DISC1: variants seen among roughly 807,000 people sequenced by gnomAD.
DISC1 encodes the protein disrupted in schizophrenia 1 protein.
In DISC1, 57 loss-of-function variants were observed where a neutral mutation model predicts 84.5. The ratio of observed to expected loss-of-function variants is 0.67; its 90% CI spans 0.55 to 0.84. The LOEUF (loss-of-function observed/expected upper bound fraction) is 0.84. Among genes scored for constraint, DISC1 ranks in the 40% least tolerant of loss-of-function variants. The pLI, the probability that DISC1 is intolerant of heterozygous loss-of-function variation, is 0.00. For missense variants in DISC1, 1,000 were observed against 1,057.8 expected (o/e 0.95, Z 0.76); for synonymous variants, 411 against 415.2 (o/e 0.99, Z 0.12).
chr1:232,017,477 G>A (rs1572647718), intron 11 of DISC1, among the ~76,000 whole-genome samples: 1 of 127,698 alleles, frequency 7.8e-6, no homozygotes, highest in Non-Finnish European at 1.6e-5. Flanking sequence ...GGGAACACCT[G>A]TCCTTTTTTT....
At chr1:231,809,524 G>GAAAAA (rs10692560) in intron 8 of DISC1, among the ~76,000 whole-genome samples, 42 of 123,794 alleles carry the variant, frequency 3.4e-4, no homozygotes, top group African/African-American at 1.2e-3. Flanking sequence ...TTTTTTTTTT[G>GAAAAA]AAAAAAAAAA....
chr1:231,951,940 T>C (rs1658448925), intron 9 of DISC1, among the ~76,000 whole-genome samples: 2 of 151,252 alleles, frequency 1.3e-5, no homozygotes, highest in African/African-American at 4.8e-5. Flanking sequence ...GCACAGTGGC[T>C]CACACCTGAC....
chr1:231,885,330 A>G (rs1482995035), intron 9 of DISC1, among the ~76,000 whole-genome samples: 4 of 152,180 alleles, frequency 2.6e-5, no homozygotes, highest in Non-Finnish European at 4.4e-5. Flanking sequence ...ACCCTCTGTT[A>G]TTATGACAGG....
rs901248781 is a variant in DISC1, at chr1:231,711,362, T to C, written c.1117+9338T>C. On this transcript the variant is annotated intron_variant, in intron 3 of 12. Coordinates refer to ENST00000439617, the MANE Select transcript of DISC1 (RefSeq NM_018662.3). ...TTTTGTATGAGGACATATTTCTTTTTTTTTTTTTTTTTTTTTGAGACAGAG... is the reference window on the plus strand; with the variant it reads ...TTTTGTATGAGGACATATTTCTTTTCTTTTTTTTTTTTTTTTGAGACAGAG... Among the ~76,000 whole-genome samples the C allele has an allele frequency of 2.2e-3, 324 of 146,916 alleles. 3 individuals carry two copies. Among genetic ancestry groups the C allele is most frequent in the Non-Finnish European group, 2.9e-3 (193 of 66,582 alleles).
At chr1:231,733,007 A>G (rs978473577) in intron 3 of DISC1, among the ~76,000 whole-genome samples, 1 of 122,170 alleles carries the variant, frequency 8.2e-6, no homozygotes, top group Non-Finnish European at 1.8e-5. Context: ...TGGTTGTAGC[A>G]GTGTTGTTGG....
intron 10 of DISC1, among the ~76,000 whole-genome samples, chr1:231,991,721 G>T (rs1005686911): frequency 6.6e-6 from 1 of 152,240 alleles, no homozygotes; most frequent in East Asian, 1.9e-4. Flanking sequence ...GGTGTGTGTG[G>T]TTTATTTGAA....
chr1:231,879,355 T>C (rs150345810), intron 9 of DISC1, among the ~76,000 whole-genome samples: 214 of 152,152 alleles, frequency 1.4e-3, no homozygotes, highest in African/African-American at 4.9e-3. Context: ...GGTATACATA[T>C]GTTCAGCACT....
At chr1:231,694,947 A>G in intron 2 of DISC1, 142 bp downstream of exon 2, 5 of 1,210,896 alleles carry the variant, frequency 4.1e-6, no homozygotes, top group South Asian at 2.6e-5. Flanking sequence ...CCGGCTGCAC[A>G]GGATGTTGCT....
At chr1:231,709,045 CAA>C (rs1397014186) in intron 3 of DISC1, among the ~76,000 whole-genome samples, 2 of 152,090 alleles carry the variant, frequency 1.3e-5, no homozygotes, top group African/African-American at 4.8e-5. Context: ...TACATTAAGA[CAA>C]AAATACCATA....
intron 6 of DISC1, among the ~76,000 whole-genome samples, chr1:231,793,601 G>A (rs938926469): frequency 6.6e-6 from 1 of 152,136 alleles, no homozygotes; most frequent in Non-Finnish European, 1.5e-5. Flanking sequence ...CTGCTGAAGA[G>A]GCCTGTCTGG....
At chr1:231,633,940 G>A (rs954509730) in intron 1 of DISC1, among the ~76,000 whole-genome samples, 2 of 147,146 alleles carry the variant, frequency 1.4e-5, no homozygotes, top group Admixed American at 7.0e-5. Flanking sequence ...CTGGAGTGCA[G>A]TGGCGCAGTC....
rs996606591 is a variant in DISC1 at position 231,723,288 on chromosome 1, C to T, written c.1117+21264C>T. On this transcript the variant is annotated intron_variant, in intron 3 of 12. Coordinates refer to ENST00000439617, the MANE Select transcript of DISC1 (RefSeq NM_018662.3). Reference sequence around the variant, plus strand: ...TATGAGTAGACTCACATGTTAAAACCCGTGTTGTTCAAGGGTCAACCATAA... The same window carrying T: ...TATGAGTAGACTCACATGTTAAAACTCGTGTTGTTCAAGGGTCAACCATAA... The T allele has an allele frequency of 1.1e-5, 11 of 986,060 alleles. No homozygotes were observed. In the African/African-American group the frequency reaches 1.7e-4, roughly 16 times the overall value. 61.1% of individuals were successfully genotyped at this position (986,060 alleles called of 1,614,324 possible). A position where few individuals can be genotyped will look rare whatever the true frequency, so the allele number is the denominator to read the frequency against.
At chr1:231,889,050 C>T (rs1438888708) in intron 9 of DISC1, among the ~76,000 whole-genome samples, 1 of 152,112 alleles carries the variant, frequency 6.6e-6, no homozygotes, top group Non-Finnish European at 1.5e-5. Context: ...GGGCCATTTT[C>T]CTGGTGTTCT....
chr1:231,807,968 A>G (rs2079885072), intron 8 of DISC1, among the ~76,000 whole-genome samples: 1 of 152,216 alleles, frequency 6.6e-6, no homozygotes, highest in African/African-American at 2.4e-5. Context: ...TCCCTTTAAA[A>G]TGGTAGATGT....
chr1:231,848,742 A>G (rs1027219675), intron 9 of DISC1, among the ~76,000 whole-genome samples: 1 of 152,062 alleles, frequency 6.6e-6, no homozygotes, highest in Non-Finnish European at 1.5e-5. Flanking sequence ...GTTTTTGTGC[A>G]TAGGTGAATT....
intron 3 of DISC1, among the ~76,000 whole-genome samples, chr1:231,705,467 A>G (rs1228406674): frequency 1.3e-5 from 2 of 151,892 alleles, no homozygotes; most frequent in African/African-American, 4.8e-5. Context: ...GATGCAACAG[A>G]CGGGGGATTC....
chr1:231,886,825 TTCTTTC>T (rs1255940108), intron 9 of DISC1, among the ~76,000 whole-genome samples: 2 of 144,212 alleles, frequency 1.4e-5, no homozygotes, highest in African/African-American at 5.2e-5. Context: ...CTTTCTTTCT[TTCTTTC>T]TTTCCTTCTT....
intron 1 of DISC1, 149 bp from the exon 2 acceptor site, chr1:231,693,677 G>A: frequency 1.7e-6 from 2 of 1,158,626 alleles, no homozygotes; most frequent in South Asian, 1.3e-5. Flanking sequence ...TTACATAATG[G>A]ATTGGCCCTG....
intron 1 of DISC1, among the ~76,000 whole-genome samples, chr1:231,655,613 C>T (rs1047357968): frequency 6.6e-6 from 1 of 151,818 alleles, no homozygotes. Flanking sequence ...GGTACCTAGT[C>T]CAGTAGTGGG....
Sources: allele counts gnomAD v4.1 joint callset (sites outside exome capture counted in the v4.1 genomes callset), GRCh38; gene constraint gnomAD v4.1.1; transcripts MANE v1.5; gene names NCBI Gene and HGNC (gene_info 2026-07-23, HGNC 2026-07-21).